The following MPRIP variants were observed in gnomAD, a reference collection of about 807,000 sequenced individuals.
The protein encoded by MPRIP is myosin phosphatase Rho interacting protein.
Under a neutral mutation model 234.9 loss-of-function variants are expected in MPRIP, and 59 were observed. The ratio of observed to expected loss-of-function variants is 0.25; its 90% CI spans 0.20 to 0.31. The LOEUF is 0.31. MPRIP is among the 10% of genes least tolerant of loss of function. The pLI is 1.00. For synonymous variants in MPRIP, 1,144 were observed against 1,263.9 expected (o/e 0.91, Z 2.01); for missense variants, 2,436 against 3,071.0 (o/e 0.79, Z 4.89).
intron 3 of MPRIP, among the ~76,000 whole-genome samples, chr17:17,119,968 C>T (rs1328930950): frequency 6.6e-6 from 1 of 152,126 alleles, no homozygotes; most frequent in Non-Finnish European, 1.5e-5. Flanking sequence ...TGTCTCAGGA[C>T]CTCAGGTGTG....
At chr17:17,140,382 T>C (rs1017525962) in intron 7 of MPRIP, among the ~76,000 whole-genome samples, 1 of 152,194 alleles carries the variant, frequency 6.6e-6, no homozygotes, top group Non-Finnish European at 1.5e-5. Context: ...CACCTGGTGC[T>C]GGCCCCACCC....
At chr17:17,057,238 T>C (rs1046768725) in intron 1 of MPRIP, among the ~76,000 whole-genome samples, 3 of 152,212 alleles carry the variant, frequency 2.0e-5, no homozygotes, top group Non-Finnish European at 4.4e-5. Flanking sequence ...GAGTCTGGGA[T>C]GGAAACTGGG....
Position 17,075,520 on chromosome 17 carries a change from G to A in MPRIP, c.124-190G>A, listed in dbSNP as rs4078062. 0.085 allele frequency among the ~76,000 whole-genome samples: 12,988 copies of A among 151,992 alleles called. 701 individuals are homozygous for A. Among genetic ancestry groups the A allele is most frequent in the Middle Eastern group, 0.16 (46 of 294 alleles). ...CCAGGGCCTGTATGCTCTCCACCCC[G>A]GATGCTGCAGAATCCCCGCCAGCCT... On this transcript the variant is annotated intron_variant, in intron 1 of 23. Coordinates refer to ENST00000651222, the MANE Select transcript of MPRIP (RefSeq NM_001364716.4).
chr17:17,087,299 A>G (rs1411816887), intron 3 of MPRIP, among the ~76,000 whole-genome samples: 2 of 152,132 alleles, frequency 1.3e-5, no homozygotes, highest in Non-Finnish European at 2.9e-5. Context: ...TCCTGTCCCG[A>G]CTTAGAGCCT....
chr17:17,053,251 C>T (rs1027324825), intron 1 of MPRIP, among the ~76,000 whole-genome samples: 3 of 152,132 alleles, frequency 2.0e-5, no homozygotes, highest in African/African-American at 7.2e-5. Context: ...AGTTTCCATT[C>T]TAGCTCCATT....
intron 3 of MPRIP, among the ~76,000 whole-genome samples, chr17:17,099,901 T>C (rs1028898027): frequency 6.6e-5 from 10 of 152,362 alleles, no homozygotes; most frequent in African/African-American, 1.7e-4. Context: ...GTAAAAATTA[T>C]ACATTTTGTG....
At chr17:17,101,380 A>G (rs561272976) in intron 3 of MPRIP, among the ~76,000 whole-genome samples, 3 of 152,334 alleles carry the variant, frequency 2.0e-5, no homozygotes, top group African/African-American at 7.2e-5. Flanking sequence ...AGCCTGGCCA[A>G]CAGGATGAAA....
intron 3 of MPRIP, among the ~76,000 whole-genome samples, chr17:17,107,377 T>A (rs893071597): frequency 6.6e-6 from 1 of 152,170 alleles, no homozygotes; most frequent in African/African-American, 2.4e-5. Context: ...GCTGCCAGGT[T>A]TGGGTAGATG....
chr17:17,046,196 A>C lies in MPRIP; in HGVS notation c.123+3225A>C, dbSNP rs149039289. Among the ~76,000 whole-genome samples the C allele has an allele frequency of 2.8e-3, 431 of 152,308 alleles. 1 individual carries two copies. The highest frequency in any genetic ancestry group is 0.01 in the African/African-American group (420 of 41,556). On this transcript the variant is annotated intron_variant, in intron 1 of 23. Transcript: ENST00000651222. ...GTTTTCTGCTTATCAGCATATCTTT[A>C]CGTTCTTTTCATGGTGTTGCATATA...
Position 17,066,723 on chromosome 17 carries a change from CTTTTTTTTTTTTTTTTTTTTTTTTTTT to C in MPRIP, c.124-8967_124-8941del, listed in dbSNP as rs34804730. Among the ~76,000 whole-genome samples the C allele has an allele frequency of 5.4e-3, 197 of 36,684 alleles. 1 individual carries two copies. The highest frequency in any genetic ancestry group is 0.033 in the Middle Eastern group (2 of 60). The allele number at this position is 36,684 out of a possible 152,430, so 24.1% of individuals were successfully genotyped here. On this transcript the variant is annotated intron_variant, in intron 1 of 23. Coordinates refer to ENST00000651222, the MANE Select transcript of MPRIP (RefSeq NM_001364716.4). ...TCAAACCCACAGATACTTTTTTCAT[CTTTTTTTTTTTTTTTTTTTTTTTTTTT>C]TTTTTTTTTTTTTTTTTTTGAGACA...
At chr17:17,108,223 G>T (rs539069465) in intron 3 of MPRIP, among the ~76,000 whole-genome samples, 2 of 152,174 alleles carry the variant, frequency 1.3e-5, no homozygotes, top group African/African-American at 4.8e-5. Flanking sequence ...CACCCCCACT[G>T]CCAGCAGGCT....
At chr17:17,112,583 A>G (rs1034024247) in intron 3 of MPRIP, among the ~76,000 whole-genome samples, 8 of 152,224 alleles carry the variant, frequency 5.3e-5, no homozygotes, top group Non-Finnish European at 8.8e-5. Flanking sequence ...CTGCTCCTGC[A>G]GGGCTCACTC....
chr17:17,152,268 G>A (rs910177155), intron 12 of MPRIP, among the ~76,000 whole-genome samples: 2 of 152,250 alleles, frequency 1.3e-5, no homozygotes, highest in African/African-American at 4.8e-5. Context: ...GGGAGGGGTA[G>A]GCGGGCATAG....
chr17:17,142,604 G>A (rs779347243), intron 7 of MPRIP, 23 bp from the exon 8 acceptor site: 2 of 1,609,718 alleles, frequency 1.2e-6, no homozygotes, highest in East Asian at 4.5e-5. Context: ...TGCCACCTCA[G>A]GGCCTCGTGT....
intron 3 of MPRIP, among the ~76,000 whole-genome samples, chr17:17,102,831 C>T (rs1011612355): frequency 7.9e-5 from 12 of 152,250 alleles, no homozygotes; most frequent in Admixed American, 2.6e-4. Context: ...TGCTGGGCAA[C>T]GTTGAGGTCG....
intron 1 of MPRIP, among the ~76,000 whole-genome samples, chr17:17,047,402 A>T (rs1449842306): frequency 6.6e-6 from 1 of 151,682 alleles, no homozygotes; most frequent in Admixed American, 6.6e-5. Flanking sequence ...TTTTTTTAAT[A>T]GTTTGTAGTT....
intron 3 of MPRIP, among the ~76,000 whole-genome samples, chr17:17,081,282 C>G (rs545380578): frequency 6.6e-6 from 1 of 152,138 alleles, no homozygotes; most frequent in Admixed American, 6.5e-5. Context: ...TGGTGTGTCT[C>G]CCCATTGTCT....
chr17:17,160,431 G>A (rs75327366), intron 14 of MPRIP, among the ~76,000 whole-genome samples: 3 of 152,226 alleles, frequency 2.0e-5, no homozygotes, highest in Non-Finnish European at 4.4e-5. Flanking sequence ...CACCCTGGGC[G>A]GCACTGGCCT....
intron 15 of MPRIP, 105 bp downstream of exon 15, chr17:17,161,461 G>GC (rs5819603): frequency 0.77 from 517,783 of 675,542 alleles, 201,161 homozygotes; most frequent in East Asian, 0.98. Flanking sequence ...CTGAGCAGGG[G>GC]TGTCTCCCAG....
Sources: gnomAD v4.1 joint callset for allele counts (sites outside exome capture counted in the v4.1 genomes callset) on GRCh38, gnomAD v4.1.1 for gene constraint, MANE v1.5 for transcripts, NCBI Gene and HGNC (gene_info 2026-07-23, HGNC 2026-07-21) for gene names.